The following ROBO2 variants were observed in gnomAD, a reference collection of about 807,000 sequenced individuals.
ROBO2 encodes the protein roundabout guidance receptor 2.
Under a neutral mutation model 160.8 loss-of-function variants are expected in ROBO2, and 53 were observed. The ratio of observed to expected loss-of-function variants is 0.33; its 90% CI spans 0.26 to 0.41. The LOEUF is 0.41. Among genes scored for constraint, ROBO2 ranks in the 10% least tolerant of loss-of-function variants. The pLI is 1.00. For synonymous variants in ROBO2, 664 were observed against 611.7 expected (o/e 1.09, Z -1.26); for missense variants, 1,577 against 1,722.4 (o/e 0.92, Z 1.49).
intron 2 of ROBO2, among the ~76,000 whole-genome samples, chr3:77,207,034 A>T (rs1475643890): frequency 6.6e-6 from 1 of 152,198 alleles, no homozygotes; most frequent in Admixed American, 6.5e-5. Context: ...AACATTTTGT[A>T]CCTATAAACT....
At chr3:76,906,412 A>C (rs2075605643) in intron 2 of ROBO2, among the ~76,000 whole-genome samples, 2 of 151,916 alleles carry the variant, frequency 1.3e-5, no homozygotes, top group South Asian at 4.1e-4. Context: ...ACGATTTGCA[A>C]ATAAGTTCTT....
intron 2 of ROBO2, among the ~76,000 whole-genome samples, chr3:76,744,902 A>C (rs1304394554): frequency 2.0e-5 from 3 of 152,092 alleles, no homozygotes; most frequent in Non-Finnish European, 4.4e-5. Flanking sequence ...AAAGGGTGCT[A>C]TTTTTTCCCC....
At chr3:76,841,806 TA>T (rs1300896008) in intron 2 of ROBO2, among the ~76,000 whole-genome samples, 1 of 152,172 alleles carries the variant, frequency 6.6e-6, no homozygotes, top group African/African-American at 2.4e-5. Flanking sequence ...TAAGGAGAAT[TA>T]AAAGTACTAT....
intron 2 of ROBO2, among the ~76,000 whole-genome samples, chr3:76,580,952 A>G (rs943314480): frequency 6.6e-6 from 1 of 152,232 alleles, no homozygotes; most frequent in African/African-American, 2.4e-5. Flanking sequence ...AACAGTATCA[A>G]TAGCAGAACA....
chr3:76,248,280 G>T (rs1364345778), intron 2 of ROBO2, among the ~76,000 whole-genome samples: 3 of 151,994 alleles, frequency 2.0e-5, no homozygotes, highest in Admixed American at 2.0e-4. Context: ...AGAAAATGTG[G>T]CACACATACA....
intron 2 of ROBO2, among the ~76,000 whole-genome samples, chr3:76,626,629 T>C (rs1399239393): frequency 6.6e-6 from 1 of 152,186 alleles, no homozygotes; most frequent in African/African-American, 2.4e-5. Flanking sequence ...AACATCTCTA[T>C]CCATTATCAG....
chr3:76,609,670 A>G (rs2087934282), intron 2 of ROBO2, among the ~76,000 whole-genome samples: 1 of 152,210 alleles, frequency 6.6e-6, no homozygotes. Context: ...GAAAACAAAT[A>G]TAGTTTGACT....
rs562125116 is a variant in ROBO2 at position 77,318,220 on chromosome 3, G to A, written c.389-159194G>A. Among the ~76,000 whole-genome samples, 377 of 151,842 alleles carry A rather than the reference G, an allele frequency of 2.5e-3. 3 individuals carry two copies. The highest frequency in any genetic ancestry group is 8.8e-3 in the African/African-American group (365 of 41,304). On this transcript the variant is annotated intron_variant, in intron 2 of 25. Coordinates refer to ENST00000461745, the Ensembl canonical transcript of ROBO2. Reference sequence around the variant, plus strand: ...CTGCTATTTTTGTATTTTTAGTAGAGATGGGGTTTCGCCATGTTGGCCCGG... The same window carrying A: ...CTGCTATTTTTGTATTTTTAGTAGAAATGGGGTTTCGCCATGTTGGCCCGG...
intron 2 of ROBO2, among the ~76,000 whole-genome samples, chr3:76,219,750 A>G (rs1206240554): frequency 6.6e-6 from 1 of 152,226 alleles, no homozygotes; most frequent in Non-Finnish European, 1.5e-5. Flanking sequence ...TAGTTCAACC[A>G]TTGTGGAAGT....
At chr3:77,220,198 G>C (rs566540221) in intron 2 of ROBO2, among the ~76,000 whole-genome samples, 1 of 152,140 alleles carries the variant, frequency 6.6e-6, no homozygotes, top group South Asian at 2.1e-4. Context: ...TTTTAGTACA[G>C]ATAGGGTTTC....
intron 2 of ROBO2, among the ~76,000 whole-genome samples, chr3:76,002,645 G>C (rs1236238921): frequency 6.6e-6 from 1 of 152,140 alleles, no homozygotes; most frequent in Non-Finnish European, 1.5e-5. Context: ...ACGTGGAACT[G>C]TGAGTTCGTT....
intron 2 of ROBO2, among the ~76,000 whole-genome samples, chr3:76,667,783 T>G (rs1178820280): frequency 6.7e-6 from 1 of 148,986 alleles, no homozygotes; most frequent in African/African-American, 2.4e-5. Flanking sequence ...ATTTTTCTTA[T>G]TATCTAATAA....
intron 2 of ROBO2, among the ~76,000 whole-genome samples, chr3:77,359,173 T>A: frequency 6.6e-6 from 1 of 152,160 alleles, no homozygotes; most frequent in East Asian, 1.9e-4. Context: ...AACAACTGGA[T>A]TTTATTCGTT....
chr3:76,575,141 C>G (rs2085207910), intron 2 of ROBO2, among the ~76,000 whole-genome samples: 1 of 152,036 alleles, frequency 6.6e-6, no homozygotes, highest in South Asian at 2.1e-4. Flanking sequence ...GTTACACAGG[C>G]TGGACTTGAA....
intron 2 of ROBO2, among the ~76,000 whole-genome samples, chr3:76,036,817 T>C (rs1408019588): frequency 6.6e-6 from 1 of 152,024 alleles, no homozygotes; most frequent in East Asian, 1.9e-4. Flanking sequence ...TCTCCACTTT[T>C]TCACATGTGT....
At chr3:76,125,461 C>T (rs1280719399) in intron 2 of ROBO2, among the ~76,000 whole-genome samples, 1 of 152,134 alleles carries the variant, frequency 6.6e-6, no homozygotes, top group South Asian at 2.1e-4. Flanking sequence ...ACATTCCCAC[C>T]AGCAGTGTAT....
intron 2 of ROBO2, among the ~76,000 whole-genome samples, chr3:76,401,398 A>G (rs1005862875): frequency 3.3e-5 from 5 of 151,510 alleles, no homozygotes; most frequent in Admixed American, 1.3e-4. Context: ...CCTTACTTCA[A>G]TATCTAGCAC....
At chr3:76,508,531 GTTATT>G (rs1360016404) in intron 2 of ROBO2, among the ~76,000 whole-genome samples, 1 of 152,040 alleles carries the variant, frequency 6.6e-6, no homozygotes, top group Admixed American at 6.6e-5. Context: ...TATTAAGAAT[GTTATT>G]TTAAGAAACA....
At chr3:77,438,777 G>C (rs2079599896) in intron 2 of ROBO2, among the ~76,000 whole-genome samples, 1 of 152,018 alleles carries the variant, frequency 6.6e-6, no homozygotes, top group African/African-American at 2.4e-5. Context: ...GTTGCTTCCA[G>C]ATCCCTGTGC....
Sources: gnomAD v4.1 joint callset for allele counts (sites outside exome capture counted in the v4.1 genomes callset) on GRCh38, gnomAD v4.1.1 for gene constraint, MANE v1.5 for transcripts, NCBI Gene and HGNC (gene_info 2026-07-23, HGNC 2026-07-21) for gene names.